RORB: variants seen among roughly 807,000 people sequenced by gnomAD.
The protein encoded by RORB is RAR related orphan receptor B.
RORB carries 6 observed loss-of-function variants against 59.1 expected under a neutral mutation model. The ratio of observed to expected loss-of-function variants is 0.10; its 90% confidence interval spans 0.06 to 0.20. RORB has a LOEUF of 0.20. Ranked by LOEUF, RORB falls within the 10% of genes least tolerant of loss-of-function variation. The pLI is 1.00. For synonymous variants in RORB, 215 were observed against 204.5 expected (o/e 1.05, Z -0.44); for missense variants, 320 against 560.5 (o/e 0.57, Z 4.33).
chr9:74,532,691 C>T (rs1826260416), intron 1 of RORB, among the ~76,000 whole-genome samples: 1 of 149,482 alleles, frequency 6.7e-6, no homozygotes. Context: ...TTATATATAA[C>T]TTATACATAT....
intron 1 of RORB, among the ~76,000 whole-genome samples, chr9:74,614,967 G>A (rs1823288954): frequency 6.6e-6 from 1 of 152,144 alleles, no homozygotes; most frequent in African/African-American, 2.4e-5. Flanking sequence ...GTCACCTGGT[G>A]TTAAGTCTCT....
chr9:74,652,149 C>A (rs1311156495), intron 4 of RORB, among the ~76,000 whole-genome samples: 7 of 152,142 alleles, frequency 4.6e-5, no homozygotes, highest in South Asian at 4.1e-4. Context: ...TGAAGCCAGG[C>A]GCGGTGGCTC....
intron 1 of RORB, among the ~76,000 whole-genome samples, chr9:74,544,738 GCA>G: frequency 6.6e-6 from 1 of 152,320 alleles, no homozygotes; most frequent in East Asian, 1.9e-4. Context: ...TCCTTCGTGT[GCA>G]CAGGAATCCT....
chr9:74,648,914 A>G (rs1401953079), intron 4 of RORB, among the ~76,000 whole-genome samples: 1 of 151,816 alleles, frequency 6.6e-6, no homozygotes. Context: ...CAACCTGATC[A>G]CTTCCAAGCT....
chr9:74,660,764 T>C (rs1266399398), intron 5 of RORB, 26 bp downstream of exon 5: 1 of 1,603,048 alleles, frequency 6.2e-7, no homozygotes, highest in African/African-American at 1.3e-5. Context: ...ATGAGAAAGT[T>C]TTTCTGTGAT....
intron 1 of RORB, among the ~76,000 whole-genome samples, chr9:74,527,012 T>C (rs1055391100): frequency 6.6e-6 from 1 of 151,976 alleles, no homozygotes; most frequent in African/African-American, 2.4e-5. Context: ...ATATTATATG[T>C]TGATAGATTT....
At chr9:74,563,351 A>G (rs1468911140) in intron 1 of RORB, among the ~76,000 whole-genome samples, 2 of 151,882 alleles carry the variant, frequency 1.3e-5, no homozygotes, top group Admixed American at 6.6e-5. Flanking sequence ...ACGCCTGACT[A>G]ATTTTTGTAT....
rs34021510 is a variant in RORB at position 74,570,730 on chromosome 9, C to CGTGTGTGTGTGTACACACGT, written c.8-59542_8-59541insGTACACACGTGTGTGTGTGT. Among the ~76,000 whole-genome samples the CGTGTGTGTGTGTACACACGT allele has an allele frequency of 2.0e-5, 3 of 151,514 alleles. No homozygotes were observed. In the South Asian group the frequency reaches 6.2e-4, roughly 31 times the overall value. ...GCTTATGAATTTGTGTGTGCACACA[C>CGTGTGTGTGTGTACACACGT]GTGTGTGTGTATGAATGTGTCTCAC... On this transcript the variant is annotated intron_variant, in intron 1 of 9. Transcript: ENST00000376896.
At position 74,665,599 on chromosome 9, in the gene RORB, A is replaced by AG; in HGVS notation, c.1000+5dup. On this transcript the variant is annotated splice_donor_region_variant and intron_variant, in intron 7 of 9. Coordinates refer to ENST00000376896, the MANE Select transcript of RORB (RefSeq NM_006914.4). ...ATGCAAATGTTCAAAGCCTTAGGTA[A>AG]GTTTCCCTTTGATGAGGACACAATT... The AG allele has an allele frequency of 6.3e-7, 1 of 1,589,060 alleles. No individual in the cohort carries two copies. The highest frequency in any genetic ancestry group is 1.1e-5 in the South Asian group (1 of 89,926).
intron 1 of RORB, among the ~76,000 whole-genome samples, chr9:74,523,549 C>A (rs561366647): frequency 6.6e-6 from 1 of 151,866 alleles, no homozygotes; most frequent in Non-Finnish European, 1.5e-5. Context: ...GTATGATTGT[C>A]CCATATCTGT....
intron 9 of RORB, among the ~76,000 whole-genome samples, chr9:74,679,310 G>A (rs955062095): frequency 1.3e-5 from 2 of 152,026 alleles, no homozygotes; most frequent in Non-Finnish European, 2.9e-5. Flanking sequence ...ACATACATAG[G>A]GAAAAGTTCC....
chr9:74,578,598 T>A (rs773857967), intron 1 of RORB, among the ~76,000 whole-genome samples: 36 of 152,150 alleles, frequency 2.4e-4, no homozygotes, highest in Non-Finnish European at 4.9e-4. Flanking sequence ...ACAGTTGTCT[T>A]ATCAAATGAA....
intron 1 of RORB, among the ~76,000 whole-genome samples, chr9:74,504,857 T>C (rs1169380534): frequency 6.6e-6 from 1 of 152,062 alleles, no homozygotes. Flanking sequence ...AATAAATAAT[T>C]GCAATAAATT....
At chr9:74,508,579 C>T (rs907563130) in intron 1 of RORB, among the ~76,000 whole-genome samples, 1 of 151,938 alleles carries the variant, frequency 6.6e-6, no homozygotes, top group African/African-American at 2.4e-5. Context: ...GTAGGTGACA[C>T]CTTCTATAGT....
chr9:74,512,281 A>G (rs927021526), intron 1 of RORB, among the ~76,000 whole-genome samples: 2 of 152,326 alleles, frequency 1.3e-5, no homozygotes, highest in Non-Finnish European at 2.9e-5. Context: ...ACACAGACAT[A>G]CCAGTTCTCA....
At chr9:74,548,098 T>C (rs1826530233) in intron 1 of RORB, among the ~76,000 whole-genome samples, 1 of 152,144 alleles carries the variant, frequency 6.6e-6, no homozygotes, top group African/African-American at 2.4e-5. Flanking sequence ...GAGAAAGCAC[T>C]CAAAAAATGA....
intron 8 of RORB, among the ~76,000 whole-genome samples, chr9:74,670,977 G>T (rs1226383317): frequency 2.0e-5 from 3 of 152,134 alleles, no homozygotes; most frequent in Non-Finnish European, 2.9e-5. Flanking sequence ...TATTTGTTCG[G>T]CATTTGAAGA....
intron 1 of RORB, among the ~76,000 whole-genome samples, chr9:74,587,998 A>G (rs1373352347): frequency 6.6e-6 from 1 of 152,160 alleles, no homozygotes; most frequent in African/African-American, 2.4e-5. Context: ...TTGTCACTAG[A>G]TTTTGGTTAT....
chr9:74,507,693 AC>A (rs1365719141), intron 1 of RORB, among the ~76,000 whole-genome samples: 17 of 152,228 alleles, frequency 1.1e-4, no homozygotes, highest in Middle Eastern at 3.4e-3. Flanking sequence ...ACTTAGACAT[AC>A]TGAGTTTCTA....
Sources: allele counts gnomAD v4.1 joint callset (sites outside exome capture counted in the v4.1 genomes callset), GRCh38; gene constraint gnomAD v4.1.1; transcripts MANE v1.5; gene names NCBI Gene and HGNC (gene_info 2026-07-23, HGNC 2026-07-21).